CKMT2: variants seen among roughly 807,000 people sequenced by gnomAD.
CKMT2 encodes the protein creatine kinase S-type, mitochondrial.
CKMT2 carries 43 observed loss-of-function variants against 48.9 expected under a neutral mutation model. That is an observed-to-expected ratio of 0.88 (90% confidence interval 0.69 to 1.13). The LOEUF is 1.13. CKMT2 is among the 50% of genes most tolerant of loss of function. The pLI is 0.00. For synonymous variants in CKMT2, 206 were observed against 213.0 expected (o/e 0.97, Z 0.29); for missense variants, 472 against 555.4 (o/e 0.85, Z 1.51).
Position 81,252,842 on chromosome 5 carries a change from C to A in CKMT2, c.300C>A (p.His100Gln), listed in dbSNP as rs751963609. 3.1e-6 allele frequency: 5 copies of A among 1,614,064 alleles called. No individual in the cohort carries two copies. The change falls in exon 3 of 10, where the codon CAC becomes CAA. Residue 100 changes from histidine to glutamine, a missense_variant. By Grantham distance (24) the His-to-Gln change is conservative. Coordinates refer to ENST00000254035, the MANE Select transcript of CKMT2 (RefSeq NM_001099735.2). ...AGACTGGAGTGGACAACCCTGGCCA[C>A]CCCTTCATAAAGACTGTGGGCATGG... Reference protein sequence around the residue: ...CIQTGVDNPGHPFIKTVGMVA... With the variant: ...CIQTGVDNPGQPFIKTVGMVA...
intron 5 of CKMT2, among the ~76,000 whole-genome samples, chr5:81,256,561 A>G (rs1757017949): frequency 1.3e-5 from 2 of 152,182 alleles, no homozygotes; most frequent in Non-Finnish European, 2.9e-5. Flanking sequence ...TCCCTCATTC[A>G]TTGCTCGCTC....
At chr5:81,242,879 T>A (rs1005037941) in intron 1 of CKMT2, among the ~76,000 whole-genome samples, 7 of 152,194 alleles carry the variant, frequency 4.6e-5, no homozygotes, top group Admixed American at 1.3e-4. Flanking sequence ...GTGGGAATTG[T>A]TTTCTGAAAA....
chr5:81,255,059 C>T lies in CKMT2; in HGVS notation c.514C>T (p.Arg172Cys), dbSNP rs376567528. The T allele has an allele frequency of 1.5e-5, 24 of 1,613,822 alleles. No individual in the cohort carries two copies. Among genetic ancestry groups the T allele is most frequent in the Non-Finnish European group, 1.8e-5 (21 of 1,180,000 alleles). The part of the protein sequence containing the change: ...SSRVRTGRSI[R>C]GLSLPPACTR... ...TCGGGTGCGCACTGGCCGCAGCATC[C>T]GTGGGCTGAGCCTGCCTCCAGCCTG... is the stretch of plus-strand genomic sequence containing the variant. The change falls in exon 5 of 10, where the codon CGT becomes TGT. Residue 172 changes from arginine (R) to cysteine (C), a missense_variant. Arg to Cys is a radical substitution (Grantham distance 180, BLOSUM62 -3). Coordinates refer to ENST00000254035, the MANE Select transcript of CKMT2 (RefSeq NM_001099735.2).
At chr5:81,245,916 A>C (rs1756593465) in intron 1 of CKMT2, among the ~76,000 whole-genome samples, 1 of 152,140 alleles carries the variant, frequency 6.6e-6, no homozygotes, top group Non-Finnish European at 1.5e-5. Flanking sequence ...CCAACTGTAG[A>C]CCAGAAATCT....
At chr5:81,257,101 C>A in intron 6 of CKMT2, 101 bp downstream of exon 6, 1 of 841,928 alleles carries the variant, frequency 1.2e-6, no homozygotes, top group Non-Finnish European at 1.9e-6. Context: ...CAGTTGACAG[C>A]ATGCCCAGAC....
chr5:81,262,943 A>G (rs553756496), intron 8 of CKMT2, among the ~76,000 whole-genome samples: 1 of 152,350 alleles, frequency 6.6e-6, no homozygotes, highest in Non-Finnish European at 1.5e-5. Context: ...CATCAATGAT[A>G]GACTGGATAA....
At position 81,252,546 on chromosome 5, in the gene CKMT2, A is replaced by G. The variant is rs77114276; in HGVS notation, c.153-149A>G. ...TTATTTTTTGAAACCTGGTGTATTC[A>G]TTTATGACTCCTAGGCAGTTCTAGC... On this transcript the variant is annotated intron_variant, in intron 2 of 9. Transcript: ENST00000254035. 20 of 747,260 alleles carry G rather than the reference A, an allele frequency of 2.7e-5. No homozygotes were observed. The East Asian group carries it at 3.7e-4, about 14-fold the overall frequency. The allele number at this position is 747,260 out of a possible 1,614,324, so 46.3% of individuals were successfully genotyped here.
intron 3 of CKMT2, among the ~76,000 whole-genome samples, chr5:81,253,510 C>G (rs530416111): frequency 6.6e-6 from 1 of 152,200 alleles, no homozygotes; most frequent in African/African-American, 2.4e-5. Flanking sequence ...GCAGCCTCTC[C>G]GCTGAGGCAA....
intron 8 of CKMT2, 39 bp downstream of exon 8, chr5:81,259,293 C>A: frequency 6.3e-7 from 1 of 1,597,120 alleles, no homozygotes; most frequent in Non-Finnish European, 8.5e-7. Flanking sequence ...GGGCCAGGAT[C>A]AGCTCAGATG....
chr5:81,236,757 C>T (rs552164079), intron 1 of CKMT2, among the ~76,000 whole-genome samples: 1 of 152,262 alleles, frequency 6.6e-6, no homozygotes, highest in South Asian at 2.1e-4. Flanking sequence ...TGGTTAAATC[C>T]ATTTTGTGAA....
At chr5:81,237,567 T>C (rs922231370) in intron 1 of CKMT2, 1 of 152,196 alleles carries the variant, frequency 6.6e-6, no homozygotes, top group Admixed American at 6.5e-5. Flanking sequence ...AAAATTTTCT[T>C]TTTTAGGTTT....
chr5:81,253,873 A>G (rs1467179165), intron 3 of CKMT2, among the ~76,000 whole-genome samples: 1 of 152,220 alleles, frequency 6.6e-6, no homozygotes, highest in Non-Finnish European at 1.5e-5. Context: ...GAAGGTCCGC[A>G]TCGGGTGAGA....
intron 1 of CKMT2, 81 bp from the exon 2 acceptor site, chr5:81,251,032 A>G (rs112680973): frequency 0.046 from 45,628 of 998,170 alleles, 1,248 homozygotes; most frequent in Middle Eastern, 0.075. Flanking sequence ...TGGCTCCTGC[A>G]GTTCTCTTGC....
rs1219818300 is a variant in CKMT2, at chr5:81,237,813, T to TTTTC, written c.-21+4440_-21+4443dup. 1.3e-5 allele frequency: 2 copies of TTTTC among 152,112 alleles called. 1 individual carries two copies. The highest frequency in any genetic ancestry group is 4.8e-5 in the African/African-American group (2 of 41,438). 9.4% of individuals were successfully genotyped at this position (152,112 alleles called of 1,614,324 possible). On this transcript the variant is annotated intron_variant, in intron 1 of 9. Coordinates refer to ENST00000254035, the MANE Select transcript of CKMT2 (RefSeq NM_001099735.2). Reference sequence around the variant, plus strand: ...CGCTCATATTCAGTCCTAAGCAAGTTTTTCTTTTCCTTTTAACCTAAAAAG... The same window carrying TTTTC: ...CGCTCATATTCAGTCCTAAGCAAGTTTTTCTTTCTTTTCCTTTTAACCTAAAAAG...
chr5:81,235,241 G>C (rs1268428429), intron 1 of CKMT2, among the ~76,000 whole-genome samples: 1 of 152,208 alleles, frequency 6.6e-6, no homozygotes, highest in Non-Finnish European at 1.5e-5. Flanking sequence ...GAGTAGAACA[G>C]TAATGCCAAG....
chr5:81,257,140 A>G, intron 6 of CKMT2, 140 bp downstream of exon 6: 4 of 521,330 alleles, frequency 7.7e-6, no homozygotes, highest in East Asian at 3.7e-5. Context: ...ACTACTTGGA[A>G]AGTGTGTGTG....
chr5:81,255,714 G>A (rs916763451), intron 5 of CKMT2, among the ~76,000 whole-genome samples: 13 of 151,848 alleles, frequency 8.6e-5, no homozygotes, highest in Non-Finnish European at 1.8e-4. Flanking sequence ...TGTCTACCAC[G>A]GCTTCCCTCC....
intron 1 of CKMT2, among the ~76,000 whole-genome samples, chr5:81,235,563 A>G (rs1030190229): frequency 3.9e-5 from 6 of 152,226 alleles, no homozygotes; most frequent in African/African-American, 1.4e-4. Context: ...AAAGGCAGAC[A>G]TGGTCCATCC....
chr5:81,241,101 T>C (rs1756419498), intron 1 of CKMT2, among the ~76,000 whole-genome samples: 1 of 152,210 alleles, frequency 6.6e-6, no homozygotes, highest in Non-Finnish European at 1.5e-5. Context: ...CATTGGGTCT[T>C]GTCCCTCTGA....
Sources: gnomAD v4.1 joint callset for allele counts (sites outside exome capture counted in the v4.1 genomes callset) on GRCh38, gnomAD v4.1.1 for gene constraint, MANE v1.5 for transcripts, NCBI Gene and HGNC (gene_info 2026-07-23, HGNC 2026-07-21) for gene names.